Variants in TPRG1 observed in about 807,000 individuals in gnomAD.
TPRG1 encodes the protein tumor protein p63 regulated 1.
Under a neutral mutation model 29.3 loss-of-function variants are expected in TPRG1, and 29 were observed. The ratio of observed to expected loss-of-function variants is 0.99; its 90% CI spans 0.74 to 1.35. The LOEUF is 1.35. Ranked by LOEUF, TPRG1 falls within the 40% of genes most tolerant of loss-of-function variation. TPRG1 has a pLI of 0.00. For missense variants in TPRG1, 327 were observed against 335.0 expected (o/e 0.98, Z 0.19); for synonymous variants, 130 against 116.8 (o/e 1.11, Z -0.73).
chr3:189,004,185 G>A (rs552055777), intron 2 of TPRG1, among the ~76,000 whole-genome samples: 71 of 152,014 alleles, frequency 4.7e-4, no homozygotes, highest in Middle Eastern at 3.4e-3. Flanking sequence ...AAAATTTAAC[G>A]TTTATCTGTA....
intron 4 of TPRG1, among the ~76,000 whole-genome samples, chr3:189,089,544 A>T (rs1225410642): frequency 6.6e-6 from 1 of 152,164 alleles, no homozygotes. Context: ...ATGGAGGCTG[A>T]GAAGTCCAAT....
At position 189,083,388 on chromosome 3, in the gene TPRG1, G is replaced by T. The variant is rs182249468; in HGVS notation, c.-462-43669G>T. Among the ~76,000 whole-genome samples the T allele has an allele frequency of 2.0e-5, 3 of 152,312 alleles. 1 individual carries two copies. Among genetic ancestry groups the T allele is most frequent in the South Asian group, 2.1e-4 (1 of 4,834 alleles). Reference sequence around the variant, plus strand: ...AGAACCCAGAGAAGGAAAGGGAGGGGCAGGGAAGATGCCTTATGCATACTC... The same window carrying T: ...AGAACCCAGAGAAGGAAAGGGAGGGTCAGGGAAGATGCCTTATGCATACTC... On this transcript the variant is annotated intron_variant, in intron 4 of 10. Transcript: ENST00000433971.
chr3:189,059,631 A>G (rs79119496), intron 4 of TPRG1, among the ~76,000 whole-genome samples: 28 of 146,462 alleles, frequency 1.9e-4, no homozygotes, highest in African/African-American at 6.8e-4. Context: ...AAAACAAAGG[A>G]AAAAAAAAAG....
intron 4 of TPRG1, among the ~76,000 whole-genome samples, chr3:189,285,312 T>C (rs1717871132): frequency 6.6e-6 from 1 of 152,174 alleles, no homozygotes. Context: ...CTTGTGAATG[T>C]TTCCTGCCAG....
intron 4 of TPRG1, among the ~76,000 whole-genome samples, chr3:189,241,982 G>A (rs1339436098): frequency 6.6e-6 from 1 of 151,902 alleles, no homozygotes; most frequent in Non-Finnish European, 1.5e-5. Context: ...TTCTTTCAAG[G>A]CTTCTAAATT....
intron 3 of TPRG1, among the ~76,000 whole-genome samples, chr3:189,222,651 A>T (rs181994480): frequency 4.6e-5 from 7 of 152,330 alleles, no homozygotes; most frequent in African/African-American, 1.7e-4. Context: ...TTTGAGAAGT[A>T]TACTGGTCCA....
intron 1 of TPRG1, among the ~76,000 whole-genome samples, chr3:189,206,527 G>T (rs1471312499): frequency 4.1e-5 from 6 of 147,414 alleles, no homozygotes; most frequent in Non-Finnish European, 7.4e-5. Flanking sequence ...TTGAGACAGG[G>T]TCTTGCTCTG....
intron 1 of TPRG1, among the ~76,000 whole-genome samples, chr3:189,194,904 C>G (rs1436738618): frequency 1.3e-5 from 2 of 152,130 alleles, no homozygotes; most frequent in African/African-American, 4.8e-5. Context: ...CTTCACTCCC[C>G]AGGAAGAGGG....
intron 3 of TPRG1, among the ~76,000 whole-genome samples, chr3:189,144,649 G>A (rs992434533): frequency 2.0e-5 from 3 of 152,178 alleles, no homozygotes; most frequent in Non-Finnish European, 4.4e-5. Flanking sequence ...GTTTCCTACT[G>A]GTTTTTGCTG....
chr3:189,219,703 A>G lies in TPRG1; in HGVS notation c.302+4320A>G, dbSNP rs369503147. ...GTCTTTGTCTACAATGGTTAAAGAG[A>G]CAGGAGGAGACAGCATCTTCCCTCC... On this transcript the variant is annotated intron_variant, in intron 3 of 5. Coordinates refer to ENST00000345063, the MANE Select transcript of TPRG1 (RefSeq NM_198485.4). 36 of 1,264,452 alleles carry G rather than the reference A, an allele frequency of 2.8e-5. No homozygotes were observed. The African/African-American group carries it at 4.4e-4, about 15-fold the overall frequency. 78.3% of individuals were successfully genotyped at this position (1,264,452 alleles called of 1,614,324 possible).
intron 4 of TPRG1, among the ~76,000 whole-genome samples, chr3:189,073,527 A>T (rs541161651): frequency 1.3e-5 from 2 of 152,100 alleles, no homozygotes; most frequent in Non-Finnish European, 2.9e-5. Flanking sequence ...GTGTGCTTAA[A>T]TTTATCTAAA....
intron 4 of TPRG1, among the ~76,000 whole-genome samples, chr3:189,245,550 G>A (rs1340933646): frequency 6.6e-6 from 1 of 152,010 alleles, no homozygotes. Context: ...AATTTAGAGA[G>A]CATACTGTCT....
chr3:189,310,896 G>T (rs1215892694), intron 5 of TPRG1, among the ~76,000 whole-genome samples: 1 of 152,042 alleles, frequency 6.6e-6, no homozygotes, highest in Non-Finnish European at 1.5e-5. Flanking sequence ...GTTCGATGAG[G>T]TTCTATGGTC....
chr3:189,108,666 T>C (rs1476870794), intron 1 of TPRG1, among the ~76,000 whole-genome samples: 1 of 152,246 alleles, frequency 6.6e-6, no homozygotes, highest in East Asian at 1.9e-4. Context: ...TCTTTGTTTC[T>C]GCTTTCTGAA....
chr3:189,031,016 T>C (rs1183050390), intron 4 of TPRG1, among the ~76,000 whole-genome samples: 1 of 152,180 alleles, frequency 6.6e-6, no homozygotes, highest in Non-Finnish European at 1.5e-5. Context: ...ACGCCTGTAA[T>C]CCCAGCACTT....
intron 4 of TPRG1, among the ~76,000 whole-genome samples, chr3:189,083,356 A>G (rs1211630919): frequency 1.3e-5 from 2 of 152,146 alleles, no homozygotes; most frequent in African/African-American, 4.8e-5. Flanking sequence ...AACAGAGAAG[A>G]CCTAGCAGAA....
At chr3:189,313,529 A>G (rs749924791) in intron 5 of TPRG1, among the ~76,000 whole-genome samples, 21 of 152,220 alleles carry the variant, frequency 1.4e-4, no homozygotes, top group Non-Finnish European at 2.2e-4. Flanking sequence ...GGAGGGAATA[A>G]CATAGAGCTG....
chr3:189,122,552 G>A (rs1325240370), intron 1 of TPRG1, among the ~76,000 whole-genome samples: 1 of 152,200 alleles, frequency 6.6e-6, no homozygotes, highest in African/African-American at 2.4e-5. Context: ...TATTAAAGGA[G>A]TCTTTGTTGA....
At chr3:189,287,975 TAAAA>T (rs919452146) in intron 4 of TPRG1, among the ~76,000 whole-genome samples, 1 of 151,682 alleles carries the variant, frequency 6.6e-6, no homozygotes, top group Non-Finnish European at 1.5e-5. Flanking sequence ...ATTTTTAAAT[TAAAA>T]AAATTTAAGT....
Sources: gnomAD v4.1 joint callset for allele counts (sites outside exome capture counted in the v4.1 genomes callset) on GRCh38, gnomAD v4.1.1 for gene constraint, MANE v1.5 for transcripts, NCBI Gene and HGNC (gene_info 2026-07-23, HGNC 2026-07-21) for gene names.